LRRTM4: variants seen among roughly 807,000 people sequenced by gnomAD.
LRRTM4 encodes leucine-rich repeat transmembrane neuronal protein 4.
In LRRTM4, 25 loss-of-function variants were observed where a neutral mutation model predicts 47.6. The ratio of observed to expected loss-of-function variants is 0.53; its 90% CI spans 0.38 to 0.73. The LOEUF (loss-of-function observed/expected upper bound fraction) is 0.73. LRRTM4 is among the 30% of genes least tolerant of loss of function. The pLI is 0.00. For synonymous variants in LRRTM4, 311 were observed against 269.5 expected, an observed-to-expected ratio of 1.15 and a Z score of -1.51; for missense variants, 638 against 713.4, an observed-to-expected ratio of 0.89 and a Z score of 1.20.
intron 3 of LRRTM4, among the ~76,000 whole-genome samples, chr2:76,855,682 C>T (rs1672128083): frequency 6.6e-6 from 1 of 152,012 alleles, no homozygotes; most frequent in South Asian, 2.1e-4. Flanking sequence ...AGCATATATG[C>T]AGATGAGTCT....
intron 3 of LRRTM4, among the ~76,000 whole-genome samples, chr2:76,764,473 T>C (rs1673377632): frequency 1.3e-5 from 2 of 151,810 alleles, no homozygotes; most frequent in Admixed American, 6.6e-5. Flanking sequence ...CTACTAAAAA[T>C]GCAAAAAATT....
At chr2:77,330,421 A>G (rs1360838863) in intron 3 of LRRTM4, among the ~76,000 whole-genome samples, 1 of 152,176 alleles carries the variant, frequency 6.6e-6, no homozygotes, top group Non-Finnish European at 1.5e-5. Context: ...GATATTTAAA[A>G]TATTACTAAT....
chr2:77,058,666 A>G (rs1679687412), intron 3 of LRRTM4, among the ~76,000 whole-genome samples: 1 of 152,132 alleles, frequency 6.6e-6, no homozygotes, highest in Admixed American at 6.6e-5. Flanking sequence ...GATTAAAACC[A>G]GAACATATAT....
At chr2:77,253,167 A>G (rs1195108961) in intron 3 of LRRTM4, among the ~76,000 whole-genome samples, 1 of 152,158 alleles carries the variant, frequency 6.6e-6, no homozygotes, top group Admixed American at 6.6e-5. Context: ...CATGGCTATT[A>G]GTCCTACCAT....
At chr2:76,926,113 T>C (rs547992244) in intron 3 of LRRTM4, among the ~76,000 whole-genome samples, 1 of 152,302 alleles carries the variant, frequency 6.6e-6, no homozygotes, top group Admixed American at 6.5e-5. Flanking sequence ...AATTCTACTT[T>C]TCATAAATTG....
chr2:77,418,359 A>C (rs1269600660), intron 3 of LRRTM4, among the ~76,000 whole-genome samples: 1 of 152,176 alleles, frequency 6.6e-6, no homozygotes, highest in African/African-American at 2.4e-5. Context: ...ACAGACATTA[A>C]ACTGAGAAAA....
At chr2:76,797,806 G>A (rs539512784) in intron 3 of LRRTM4, among the ~76,000 whole-genome samples, 25 of 150,990 alleles carry the variant, frequency 1.7e-4, no homozygotes, top group African/African-American at 5.9e-4. Context: ...AAAAGGCAGG[G>A]GTTGCAATCC....
intron 3 of LRRTM4, among the ~76,000 whole-genome samples, chr2:76,952,087 A>C (rs1401664171): frequency 1.3e-5 from 2 of 152,028 alleles, no homozygotes; most frequent in African/African-American, 4.8e-5. Flanking sequence ...AGCAATAAAC[A>C]TAGGTGTGCA....
At chr2:76,848,267 T>C (rs1223168168) in intron 3 of LRRTM4, among the ~76,000 whole-genome samples, 1 of 152,154 alleles carries the variant, frequency 6.6e-6, no homozygotes, top group Non-Finnish European at 1.5e-5. Context: ...CTGTAATTCA[T>C]TCTAATAATT....
chr2:77,123,845 T>C (rs1357437261), intron 3 of LRRTM4, among the ~76,000 whole-genome samples: 1 of 152,104 alleles, frequency 6.6e-6, no homozygotes, highest in Non-Finnish European at 1.5e-5. Context: ...ATCCTTGGCC[T>C]TGACAGTAAG....
intron 3 of LRRTM4, among the ~76,000 whole-genome samples, chr2:76,926,840 G>A (rs61145558): frequency 2.6e-5 from 4 of 151,996 alleles, no homozygotes; most frequent in African/African-American, 7.2e-5. Flanking sequence ...AGCACAAAAC[G>A]AACTAAGACT....
chr2:77,016,920 T>G (rs887996416), intron 3 of LRRTM4, among the ~76,000 whole-genome samples: 19 of 152,086 alleles, frequency 1.2e-4, no homozygotes. Context: ...GAGAAATGTG[T>G]AGCAGCACTC....
intron 3 of LRRTM4, among the ~76,000 whole-genome samples, chr2:77,261,419 T>C (rs1290589052): frequency 6.6e-6 from 1 of 152,124 alleles, no homozygotes; most frequent in Non-Finnish European, 1.5e-5. Flanking sequence ...ATATCTTTTC[T>C]CATCCTGGTG....
At chr2:77,419,616 C>T (rs1674790219) in intron 3 of LRRTM4, among the ~76,000 whole-genome samples, 1 of 151,926 alleles carries the variant, frequency 6.6e-6, no homozygotes, top group African/African-American at 2.4e-5. Context: ...ATTTTTGACC[C>T]ACAGTTAGTT....
chr2:77,161,566 A>T (rs897221952), intron 3 of LRRTM4, among the ~76,000 whole-genome samples: 3 of 152,078 alleles, frequency 2.0e-5, no homozygotes, highest in African/African-American at 7.2e-5. Flanking sequence ...TTCTTCCTTA[A>T]TAATAAATGT....
chr2:77,212,495 CGA>C (rs532562011), intron 3 of LRRTM4, among the ~76,000 whole-genome samples: 106 of 136,072 alleles, frequency 7.8e-4, no homozygotes, highest in Non-Finnish European at 8.1e-4. Flanking sequence ...AGAGAGAGAG[CGA>C]GAGAGTTAAT....
At chr2:77,059,082 C>G (rs1009058798) in intron 3 of LRRTM4, among the ~76,000 whole-genome samples, 5 of 152,082 alleles carry the variant, frequency 3.3e-5, no homozygotes, top group Non-Finnish European at 7.4e-5. Flanking sequence ...TAAACTTTGT[C>G]AGTCTCCTTT....
intron 3 of LRRTM4, among the ~76,000 whole-genome samples, chr2:77,268,803 T>A (rs567996372): frequency 3.9e-5 from 6 of 152,300 alleles, no homozygotes; most frequent in African/African-American, 1.4e-4. Context: ...CATAATGACT[T>A]TTCTTCAATT....
intron 3 of LRRTM4, among the ~76,000 whole-genome samples, chr2:77,342,848 G>C (rs1353621317): frequency 1.0e-5 from 1 of 96,358 alleles, no homozygotes; most frequent in African/African-American, 2.7e-5. Flanking sequence ...CCCCAGGCAG[G>C]TTCAAACTGA....
Sources: gnomAD v4.1 joint callset for allele counts (sites outside exome capture counted in the v4.1 genomes callset) on GRCh38, gnomAD v4.1.1 for gene constraint, MANE v1.5 for transcripts, NCBI Gene and HGNC (gene_info 2026-07-23, HGNC 2026-07-21) for gene names.